The following THSD7B variants were observed in gnomAD, a reference collection of about 807,000 sequenced individuals.
THSD7B encodes the protein thrombospondin type-1 domain-containing protein 7B.
THSD7B carries 138 observed loss-of-function variants against 213.6 expected under a neutral mutation model. The observed-to-expected ratio is 0.65, with a 90% CI of 0.56 to 0.74. The LOEUF (loss-of-function observed/expected upper bound fraction) is 0.74. Ranked by LOEUF, THSD7B falls within the 30% of genes least tolerant of loss-of-function variation. The pLI is 0.00. For synonymous variants in THSD7B, 742 were observed against 687.0 expected, an observed-to-expected ratio of 1.08 and a Z score of -1.25; for missense variants, 1,931 against 1,991.5, an observed-to-expected ratio of 0.97 and a Z score of 0.58.
At chr2:136,927,283 A>AACAGCTAT (rs1684552531) in intron 2 of THSD7B, among the ~76,000 whole-genome samples, 1 of 151,124 alleles carries the variant, frequency 6.6e-6, no homozygotes, top group African/African-American at 2.4e-5. Flanking sequence ...AGTCTTTTAA[A>AACAGCTAT]AACATTACCT....
chr2:137,455,167 A>G (rs188452547), intron 15 of THSD7B, among the ~76,000 whole-genome samples: 35 of 152,272 alleles, frequency 2.3e-4, no homozygotes, highest in Admixed American at 9.2e-4. Context: ...GTCCCTGTAC[A>G]TTATCTTGTG....
At chr2:137,229,983 C>T (rs1681601298) in intron 7 of THSD7B, among the ~76,000 whole-genome samples, 1 of 152,140 alleles carries the variant, frequency 6.6e-6, no homozygotes, top group African/African-American at 2.4e-5. Flanking sequence ...AACAAAACCG[C>T]CTCTCTCCTA....
intron 12 of THSD7B, among the ~76,000 whole-genome samples, chr2:137,382,680 T>C (rs1685803907): frequency 6.6e-6 from 1 of 152,182 alleles, no homozygotes; most frequent in Non-Finnish European, 1.5e-5. Context: ...GGTGCAGACA[T>C]CCACTTTAGC....
chr2:137,090,224 A>G (rs893771848), intron 3 of THSD7B, among the ~76,000 whole-genome samples: 1 of 152,104 alleles, frequency 6.6e-6, no homozygotes. Context: ...CTGAAATACA[A>G]TCAATTTAAG....
chr2:136,981,637 C>T (rs979905318), intron 2 of THSD7B, among the ~76,000 whole-genome samples: 85 of 152,298 alleles, frequency 5.6e-4, no homozygotes, highest in African/African-American at 1.9e-3. Context: ...CCATGCCTCA[C>T]GTTCAATTCA....
chr2:136,781,445 A>T (rs28706604), intron 1 of THSD7B, among the ~76,000 whole-genome samples: 24,719 of 138,212 alleles, frequency 0.18, 2,825 homozygotes, highest in African/African-American at 0.32. Flanking sequence ...TTTTTTTTTT[A>T]AATTTTTTTA....
intron 2 of THSD7B, among the ~76,000 whole-genome samples, chr2:136,985,732 G>A (rs576824646): frequency 2.0e-4 from 30 of 152,326 alleles, no homozygotes; most frequent in African/African-American, 6.7e-4. Flanking sequence ...AAAGGCCATC[G>A]CTCTCCAGAC....
chr2:136,800,788 G>A (rs957392584), intron 1 of THSD7B, among the ~76,000 whole-genome samples: 12 of 151,910 alleles, frequency 7.9e-5, no homozygotes, highest in African/African-American at 2.2e-4. Flanking sequence ...GAGAGAGAGA[G>A]AGAGAGAGAG....
At position 137,550,917 on chromosome 2, in the gene THSD7B, C is replaced by T. The variant is rs898853926; in HGVS notation, c.3139-12304C>T. Among the ~76,000 whole-genome samples the T allele has an allele frequency of 2.6e-5, 4 of 152,020 alleles. No homozygotes were observed. In the South Asian group the frequency reaches 6.2e-4, roughly 24 times the overall value. Reference sequence around the variant, plus strand: ...CTTAGTACCTGGGTAACAAATTCGTCTGTACACCAAACCCCTGAGTTATGA... The same window carrying T: ...CTTAGTACCTGGGTAACAAATTCGTTTGTACACCAAACCCCTGAGTTATGA... On this transcript the variant is annotated intron_variant, in intron 15 of 27. Transcript: ENST00000409968.
chr2:137,422,754 A>T (rs1686956148), intron 14 of THSD7B, among the ~76,000 whole-genome samples: 1 of 152,064 alleles, frequency 6.6e-6, no homozygotes, highest in East Asian at 1.9e-4. Context: ...TTTTAATTAC[A>T]CTGAAGGAAA....
At chr2:137,047,932 A>C (rs2104868314) in intron 2 of THSD7B, among the ~76,000 whole-genome samples, 1 of 152,242 alleles carries the variant, frequency 6.6e-6, no homozygotes, top group African/African-American at 2.4e-5. Flanking sequence ...ATTATACTTT[A>C]AGTTCTGGGA....
rs1448575580 is a variant in THSD7B at position 137,417,556 on chromosome 2, C to A, written c.2959+5684C>A. Among the ~76,000 whole-genome samples, 3 of 152,196 alleles carry A rather than the reference C, an allele frequency of 2.0e-5. No homozygotes were observed. The East Asian group carries it at 5.8e-4, about 29-fold the overall frequency. On this transcript the variant is annotated intron_variant, in intron 14 of 27. Transcript: ENST00000409968. Reference sequence around the variant, plus strand: ...CTGGGCTCAAGTGATCCTCCCGCCTCAGCCTCCTGAGTATCTAGGACTACT... The same window carrying A: ...CTGGGCTCAAGTGATCCTCCCGCCTAAGCCTCCTGAGTATCTAGGACTACT...
chr2:137,664,431 A>G (rs1193873721), intron 26 of THSD7B, among the ~76,000 whole-genome samples: 1 of 152,076 alleles, frequency 6.6e-6, no homozygotes, highest in Non-Finnish European at 1.5e-5. Flanking sequence ...TATAAACCCA[A>G]TCTAGTGGTA....
intron 16 of THSD7B, among the ~76,000 whole-genome samples, chr2:137,564,383 A>G (rs540867447): frequency 1.3e-5 from 2 of 152,310 alleles, no homozygotes; most frequent in South Asian, 4.1e-4. Flanking sequence ...GCTGCTAGCA[A>G]AATTAGAAAG....
intron 7 of THSD7B, among the ~76,000 whole-genome samples, chr2:137,213,838 A>G (rs1042655273): frequency 2.0e-5 from 3 of 152,070 alleles, no homozygotes; most frequent in Non-Finnish European, 2.9e-5. Flanking sequence ...TGGCTCACAG[A>G]GCCAGATCCT....
rs550847894 is a variant in THSD7B, at chr2:137,527,982, G to A, written c.3139-35239G>A. Among the ~76,000 whole-genome samples, 410 of 152,114 alleles carry A rather than the reference G, an allele frequency of 2.7e-3. 2 individuals are homozygous for A. Among genetic ancestry groups the A allele is most frequent in the Middle Eastern group, 0.014 (4 of 294 alleles). ...AGAGCCTACCATGAACTTTTCAGCC[G>A]TAAGAATCAATAAATTCCCCCTTTG... On this transcript the variant is annotated intron_variant, in intron 15 of 27. Coordinates refer to ENST00000409968, the MANE Select transcript of THSD7B (RefSeq NM_001316349.2).
chr2:137,502,116 T>C (rs1331989731), intron 15 of THSD7B, among the ~76,000 whole-genome samples: 1 of 152,040 alleles, frequency 6.6e-6, no homozygotes, highest in Non-Finnish European at 1.5e-5. Context: ...TATTAGATAA[T>C]AAATGATGAT....
At chr2:136,956,507 AT>A (rs902589032) in intron 2 of THSD7B, among the ~76,000 whole-genome samples, 6 of 141,664 alleles carry the variant, frequency 4.2e-5, no homozygotes, top group South Asian at 2.2e-4. Context: ...TTTATTTTTT[AT>A]TTTTTTTTAG....
At chr2:136,777,029 T>C (rs1681622837) in intron 1 of THSD7B, among the ~76,000 whole-genome samples, 1 of 152,126 alleles carries the variant, frequency 6.6e-6, no homozygotes, top group Admixed American at 6.5e-5. Context: ...TGTTCAGAAA[T>C]ATCATTTGTT....
Sources: allele counts gnomAD v4.1 joint callset (sites outside exome capture counted in the v4.1 genomes callset), GRCh38; gene constraint gnomAD v4.1.1; transcripts MANE v1.5; gene names NCBI Gene and HGNC (gene_info 2026-07-23, HGNC 2026-07-21).